PPHLN1: variants seen among roughly 807,000 people sequenced by gnomAD.
The protein encoded by PPHLN1 is periphilin 1.
In PPHLN1, 29 loss-of-function variants were observed where a neutral mutation model predicts 51.3. The observed-to-expected ratio is 0.57, with a 90% CI of 0.42 to 0.77. PPHLN1 has a LOEUF of 0.77. Ranked by LOEUF, PPHLN1 falls within the 30% of genes least tolerant of loss-of-function variation. The pLI is 0.00. For synonymous variants in PPHLN1, 147 were observed against 147.8 expected (o/e 0.99, Z 0.04); for missense variants, 436 against 438.4 (o/e 0.99, Z 0.05).
At position 42,387,450 on chromosome 12, in the gene PPHLN1, A is replaced by T. The variant is rs1833573952; in HGVS notation, c.569-6A>T. On this transcript the variant is annotated splice_region_variant and splice_polypyrimidine_tract_variant and intron_variant, in intron 6 of 9. Transcript: ENST00000358314. ...AAAAAATTACATCTTATGTTTTCTT[A>T]TATAGATAAAGAGAGGCCTGTCCAG... 6.3e-7 allele frequency: 1 copy of T among 1,598,674 alleles called. No individual in the cohort carries two copies. Among genetic ancestry groups the T allele is most frequent in the South Asian group, 1.1e-5 (1 of 87,176 alleles).
chr12:42,332,652 C>T (rs760078015), intron 1 of PPHLN1: 2 of 1,568,472 alleles, frequency 1.3e-6, no homozygotes, highest in South Asian at 2.2e-5. Context: ...TATTTCCCCC[C>T]CTTACAGGAA....
Position 42,441,330 on chromosome 12 carries a change from T to C in PPHLN1, c.925T>C (p.Cys309Arg). The change falls in exon 10 of 10, where the codon TGT becomes CGT. Residue 309 changes from cysteine to arginine, a missense_variant. Coordinates refer to ENST00000358314, the MANE Select transcript of PPHLN1 (RefSeq NM_201439.2). ...KEIEQVYRQD[C>R]ETFGMVVKML... is the part of the protein sequence containing the mutation. ...TACCTTTTAGGTTTACCGACAAGAC[T>C]GTGAAACTTTCGGGATGGTGGTGAA... 6.2e-7 allele frequency: 1 copy of C among 1,612,326 alleles called. No individual in the cohort carries two copies. The highest frequency in any genetic ancestry group is 8.5e-7 in the Non-Finnish European group (1 of 1,178,738).
intron 9 of PPHLN1, 41 bp from the exon 10 acceptor site, chr12:42,441,274 A>G (rs2082929876): frequency 1.3e-6 from 2 of 1,548,534 alleles, no homozygotes; most frequent in East Asian, 2.3e-5. Context: ...TTGGCTAGTT[A>G]TTTTCATTCT....
At chr12:42,342,623 G>A (rs1411028127) in intron 2 of PPHLN1, among the ~76,000 whole-genome samples, 4 of 152,212 alleles carry the variant, frequency 2.6e-5, no homozygotes, top group African/African-American at 9.7e-5. Flanking sequence ...TAGGATCAGA[G>A]CACTAGCAGT....
intron 2 of PPHLN1, among the ~76,000 whole-genome samples, chr12:42,341,899 G>A (rs1232652716): frequency 2.0e-5 from 3 of 152,302 alleles, no homozygotes; most frequent in Middle Eastern, 6.8e-3. Flanking sequence ...AGGATTATAG[G>A]TGTGAGCCAT....
intron 7 of PPHLN1, among the ~76,000 whole-genome samples, chr12:42,390,199 G>GA (rs917014291): frequency 7.2e-5 from 11 of 151,968 alleles, no homozygotes; most frequent in African/African-American, 2.7e-4. Context: ...GCCTCAGGAG[G>GA]AAAAAAACAG....
chr12:42,395,811 A>G (rs114345889), intron 8 of PPHLN1, among the ~76,000 whole-genome samples: 178 of 152,318 alleles, frequency 1.2e-3, no homozygotes, highest in African/African-American at 4.2e-3. Flanking sequence ...TTTCATTATT[A>G]TGAGCTGAGA....
At chr12:42,388,011 C>A (rs529163021) in intron 7 of PPHLN1, among the ~76,000 whole-genome samples, 1 of 152,334 alleles carries the variant, frequency 6.6e-6, no homozygotes, top group East Asian at 1.9e-4. Flanking sequence ...CAATGCACTG[C>A]GGAACGCCGC....
chr12:42,427,689 A>G (rs537511044), intron 9 of PPHLN1, among the ~76,000 whole-genome samples: 2 of 152,218 alleles, frequency 1.3e-5, no homozygotes, highest in Non-Finnish European at 1.5e-5. Context: ...CCTTCTAGAC[A>G]TTGGCTTAGG....
At chr12:42,343,697 G>A (rs1380953553) in intron 2 of PPHLN1, 1 of 271,248 alleles carries the variant, frequency 3.7e-6, no homozygotes, top group African/African-American at 2.3e-5. Context: ...CCTAAGAGGT[G>A]TTTTACTTTC....
intron 9 of PPHLN1, 136 bp downstream of exon 9, chr12:42,399,130 T>C (rs997067095): frequency 9.6e-5 from 137 of 1,423,368 alleles, no homozygotes; most frequent in Non-Finnish European, 1.2e-4. Context: ...ATTATAAAAA[T>C]TGTTTGAGTT....
At chr12:42,348,993 G>A (rs1463267679) in intron 2 of PPHLN1, among the ~76,000 whole-genome samples, 1 of 151,936 alleles carries the variant, frequency 6.6e-6, no homozygotes, top group East Asian at 1.9e-4. Flanking sequence ...CATCCCCATG[G>A]GAAAAATTAG....
At chr12:42,352,894 G>A (rs988095711) in intron 3 of PPHLN1, among the ~76,000 whole-genome samples, 1 of 151,744 alleles carries the variant, frequency 6.6e-6, no homozygotes, top group Non-Finnish European at 1.5e-5. Flanking sequence ...GTCGAGACCA[G>A]TCTGGCCAAC....
intron 4 of PPHLN1, among the ~76,000 whole-genome samples, chr12:42,357,226 G>T (rs2074139134): frequency 6.6e-6 from 1 of 151,714 alleles, no homozygotes; most frequent in Non-Finnish European, 1.5e-5. Context: ...ATTCAATTTG[G>T]TTCCAGTCAA....
chr12:42,438,789 G>C (rs1368363368), intron 9 of PPHLN1, among the ~76,000 whole-genome samples: 1 of 152,018 alleles, frequency 6.6e-6, no homozygotes, highest in Non-Finnish European at 1.5e-5. Context: ...TTTTAGTAGA[G>C]ATGGGGGTTT....
At chr12:42,401,168 A>G (rs11834665) in intron 9 of PPHLN1, among the ~76,000 whole-genome samples, 5,081 of 152,264 alleles carry the variant, frequency 0.033, 290 homozygotes, top group African/African-American at 0.12. Context: ...TGTAAATACA[A>G]TTAATAAAGC....
At chr12:42,388,212 C>T (rs1181560597) in intron 7 of PPHLN1, among the ~76,000 whole-genome samples, 4 of 152,182 alleles carry the variant, frequency 2.6e-5, no homozygotes, top group Admixed American at 2.6e-4. Flanking sequence ...CTACTGTCTC[C>T]TGCCTGCCCT....
chr12:42,379,079 A>G (rs2076546122), intron 5 of PPHLN1, among the ~76,000 whole-genome samples: 1 of 151,950 alleles, frequency 6.6e-6, no homozygotes, highest in Non-Finnish European at 1.5e-5. Flanking sequence ...TAATCTAAAT[A>G]TCTCCACATT....
At chr12:42,387,850 C>T (rs1277560964) in intron 7 of PPHLN1, among the ~76,000 whole-genome samples, 1 of 152,164 alleles carries the variant, frequency 6.6e-6, no homozygotes, top group African/African-American at 2.4e-5. Context: ...TAACTTTGCC[C>T]CAACCTTGAG....
Sources: allele counts gnomAD v4.1 joint callset (sites outside exome capture counted in the v4.1 genomes callset), GRCh38; gene constraint gnomAD v4.1.1; transcripts MANE v1.5; gene names NCBI Gene and HGNC (gene_info 2026-07-23, HGNC 2026-07-21).